Variants in RFFL observed in about 807,000 individuals in gnomAD.
The protein encoded by RFFL is E3 ubiquitin-protein ligase rififylin.
RFFL carries 16 observed loss-of-function variants against 40.4 expected under a neutral mutation model. The observed-to-expected ratio is 0.40, with a 90% CI of 0.27 to 0.60. RFFL has a LOEUF of 0.60. Among genes scored for constraint, RFFL ranks in the 20% least tolerant of loss-of-function variants. The pLI is 0.47. For synonymous variants in RFFL, 154 were observed against 167.9 expected (o/e 0.92, Z 0.64); for missense variants, 367 against 451.7 (o/e 0.81, Z 1.70).
At chr17:35,076,407 G>A (rs896046867) in intron 1 of RFFL, among the ~76,000 whole-genome samples, 9 of 151,980 alleles carry the variant, frequency 5.9e-5, no homozygotes, top group African/African-American at 2.2e-4. Context: ...AACGCCGGGC[G>A]TGGTGATTCA....
intron 1 of RFFL, among the ~76,000 whole-genome samples, chr17:35,029,340 G>GTTT (rs751041700): frequency 1.4e-4 from 18 of 128,002 alleles, no homozygotes; most frequent in African/African-American, 4.1e-4. Flanking sequence ...ATATTTTGTA[G>GTTT]TTTTTTTTTT....
intron 6 of RFFL, among the ~76,000 whole-genome samples, chr17:35,012,394 C>T (rs2090946564): frequency 6.6e-6 from 1 of 152,186 alleles, no homozygotes; most frequent in South Asian, 2.1e-4. Flanking sequence ...GTACACAGCA[C>T]TTGTGGATCA....
intron 1 of RFFL, among the ~76,000 whole-genome samples, chr17:35,029,173 G>C (rs1458244911): frequency 1.3e-5 from 2 of 151,834 alleles, no homozygotes; most frequent in African/African-American, 4.9e-5. Flanking sequence ...TAAGTTCCTA[G>C]AATAAGAATT....
intron 1 of RFFL, among the ~76,000 whole-genome samples, chr17:35,049,500 G>T (rs916413534): frequency 1.3e-5 from 2 of 152,192 alleles, no homozygotes; most frequent in African/African-American, 4.8e-5. Context: ...ACAGTAGGAA[G>T]CAATGGGAAA....
chr17:35,055,312 T>G (rs1337494616), intron 1 of RFFL, among the ~76,000 whole-genome samples: 1 of 152,048 alleles, frequency 6.6e-6, no homozygotes, highest in Non-Finnish European at 1.5e-5. Flanking sequence ...ACCCAAAACC[T>G]ACCCAAATTC....
intron 5 of RFFL, among the ~76,000 whole-genome samples, chr17:35,015,353 T>C (rs1310957880): frequency 6.6e-6 from 1 of 152,280 alleles, no homozygotes; most frequent in African/African-American, 2.4e-5. Flanking sequence ...TCCTTTTCTA[T>C]TTTGAAGTCA....
Position 35,027,648 on chromosome 17 carries a change from C to T in RFFL, c.-8-1087G>A, listed in dbSNP as rs562516469. Among the ~76,000 whole-genome samples the T allele has an allele frequency of 5.0e-4, 74 of 148,346 alleles. No individual in the cohort carries two copies. The South Asian group carries it at 0.011, about 23-fold the overall frequency. ...CTGAGGCAGAAGAATGGCTTGAACC[C>T]GGGAAGTAGAGGTTGTGGTGACCCC... On this transcript the variant is annotated intron_variant, in intron 1 of 6. Coordinates refer to ENST00000394597, the MANE Select transcript of RFFL (RefSeq NM_001017368.2).
intron 3 of RFFL, among the ~76,000 whole-genome samples, chr17:35,020,919 C>G (rs1043524074): frequency 3.3e-5 from 5 of 152,114 alleles, no homozygotes; most frequent in African/African-American, 1.2e-4. Context: ...GTCTGTTTCC[C>G]CACCCTCCCT....
chr17:35,063,970 G>T (rs764397914), upstream of RFFL: 2 of 152,246 alleles, frequency 1.3e-5, no homozygotes, highest in Non-Finnish European at 2.9e-5. Context: ...TACCCAAAAA[G>T]TTCCAGTGGC....
chr17:35,065,271 G>T (rs2091314292), upstream of RFFL, among the ~76,000 whole-genome samples: 1 of 151,988 alleles, frequency 6.6e-6, no homozygotes, highest in South Asian at 2.1e-4. Context: ...CTTTAAATAA[G>T]AGGGCCGGGC....
At chr17:35,025,252 T>C (rs1403079985) in intron 2 of RFFL, 1 of 152,240 alleles carries the variant, frequency 6.6e-6, no homozygotes, top group East Asian at 1.9e-4. Flanking sequence ...CTCGACATGC[T>C]GAATGTCTTC....
rs1480089002 is a variant in RFFL, at chr17:35,008,363, A to T, written c.*3605T>A. 1.3e-5 allele frequency: 2 copies of T among 152,188 alleles called. No individual in the cohort carries two copies. Among genetic ancestry groups the T allele is most frequent in the Non-Finnish European group, 2.9e-5 (2 of 68,040 alleles). The allele number at this position is 152,188 out of a possible 1,614,324, so 9.4% of individuals were successfully genotyped here. A position where few individuals can be genotyped will look rare whatever the true frequency, so the allele number is the denominator to read the frequency against. On this transcript the variant is annotated 3_prime_UTR_variant, in exon 7 of 7. Coordinates refer to ENST00000394597, the MANE Select transcript of RFFL (RefSeq NM_001017368.2). ...AACACTGAGCATCTTGACCAAGGTC[A>T]CTTGGCCCAACCACAGGCTAATCCC...
At chr17:35,034,915 T>C (rs946601097) in intron 1 of RFFL, among the ~76,000 whole-genome samples, 4 of 152,138 alleles carry the variant, frequency 2.6e-5, no homozygotes, top group Non-Finnish European at 5.9e-5. Flanking sequence ...CCGAGGGGAT[T>C]TGGAGCCTTG....
At chr17:35,073,449 C>T (rs1004151839) in intron 1 of RFFL, among the ~76,000 whole-genome samples, 2 of 152,080 alleles carry the variant, frequency 1.3e-5, no homozygotes, top group African/African-American at 2.4e-5. Flanking sequence ...GGCTTCTTAC[C>T]GCAAATAGTT....
intron 1 of RFFL, among the ~76,000 whole-genome samples, chr17:35,047,565 AG>A (rs1170138961): frequency 3.3e-5 from 5 of 152,100 alleles, no homozygotes; most frequent in Admixed American, 3.3e-4. Flanking sequence ...TAACACAGAA[AG>A]GCCCATTAAG....
chr17:35,019,808 G>C (rs2090997474), intron 3 of RFFL, among the ~76,000 whole-genome samples: 1 of 152,068 alleles, frequency 6.6e-6, no homozygotes, highest in African/African-American at 2.4e-5. Context: ...CCAAGAGTCA[G>C]AGCTTAGGAA....
At chr17:35,013,942 A>T (rs1045007750) in intron 6 of RFFL, among the ~76,000 whole-genome samples, 1 of 152,200 alleles carries the variant, frequency 6.6e-6, no homozygotes, top group African/African-American at 2.4e-5. Flanking sequence ...AAGTAATCAG[A>T]CATAAAATTG....
intron 1 of RFFL, among the ~76,000 whole-genome samples, chr17:35,087,899 G>T (rs558237752): frequency 1.3e-5 from 2 of 152,312 alleles, no homozygotes; most frequent in South Asian, 2.1e-4. Flanking sequence ...GAAATCCCCT[G>T]AACAGAAAGG....
rs991652231 is a variant in RFFL, at chr17:35,009,263, C to T, written c.*2705G>A. The T allele has an allele frequency of 1.3e-5, 2 of 152,530 alleles. No individual in the cohort carries two copies. The highest frequency in any genetic ancestry group is 2.9e-5 in the Non-Finnish European group (2 of 68,028). The allele number at this position is 152,530 out of a possible 1,614,324, so 9.4% of individuals were successfully genotyped here. A position where few individuals can be genotyped will look rare whatever the true frequency, so the allele number is the denominator to read the frequency against. On this transcript the variant is annotated 3_prime_UTR_variant, in exon 7 of 7. Transcript: ENST00000394597. Reference sequence around the variant, plus strand: ...ACAATTCACATCCAAGAGATTTCCACAAATTTATACAATGTATATTGAGCA... The same window carrying T: ...ACAATTCACATCCAAGAGATTTCCATAAATTTATACAATGTATATTGAGCA...
Sources: gnomAD v4.1 joint callset for allele counts (sites outside exome capture counted in the v4.1 genomes callset) on GRCh38, gnomAD v4.1.1 for gene constraint, MANE v1.5 for transcripts, NCBI Gene and HGNC (gene_info 2026-07-23, HGNC 2026-07-21) for gene names.